Variants in ETV4 observed in about 807,000 individuals in gnomAD.
ETV4 encodes ETS variant transcription factor 4.
ETV4 carries 42 observed loss-of-function variants against 65.9 expected under a neutral mutation model. The ratio of observed to expected loss-of-function variants is 0.64; its 90% CI spans 0.50 to 0.82. The LOEUF is 0.82. ETV4 is among the 40% of genes least tolerant of loss of function. ETV4 has a pLI of 0.00. For synonymous variants in ETV4, 238 were observed against 260.0 expected (o/e 0.92, Z 0.81); for missense variants, 583 against 630.3 (o/e 0.92, Z 0.80).
At chr17:43,534,020 C>T (rs377659571) in intron 5 of ETV4, 35 bp from the exon 6 acceptor site, 77 of 1,479,318 alleles carry the variant, frequency 5.2e-5, no homozygotes, top group Non-Finnish European at 6.0e-5. Flanking sequence ...AAGGCCAGAG[C>T]CTGTCACACA....
intron 4 of ETV4, among the ~76,000 whole-genome samples, chr17:43,537,519 C>T (rs1252542189): frequency 6.6e-6 from 1 of 150,470 alleles, no homozygotes; most frequent in African/African-American, 2.5e-5. Context: ...CAAAGTGAAA[C>T]TCCCATCTCT....
intron 4 of ETV4, 54 bp downstream of exon 4, chr17:43,544,921 G>T: frequency 6.6e-7 from 1 of 1,518,984 alleles, no homozygotes; most frequent in Non-Finnish European, 9.1e-7. Context: ...CAGGGGCTAC[G>T]GAGTGTCCCC....
At chr17:43,543,690 G>A (rs1003004546) in intron 4 of ETV4, among the ~76,000 whole-genome samples, 1 of 152,198 alleles carries the variant, frequency 6.6e-6, no homozygotes, top group Non-Finnish European at 1.5e-5. Context: ...CTGTAAATTG[G>A]AGCTGGGCAT....
intron 12 of ETV4, 97 bp from the exon 13 acceptor site, chr17:43,528,840 C>A: frequency 3.2e-6 from 3 of 929,494 alleles, no homozygotes; most frequent in Non-Finnish European, 5.0e-6. Context: ...TCTACCAGTA[C>A]AGGCAGATGC....
rs2154587018 is a variant in ETV4 at position 43,528,755 on chromosome 17, G to A, written c.1231-12C>T. ...CGCTCACCAGCCACCTATGGGGAGAGAGAAGGTCTGGTCAGCCTGGCTAGC... is the reference window on the plus strand; with the variant it reads ...CGCTCACCAGCCACCTATGGGGAGAAAGAAGGTCTGGTCAGCCTGGCTAGC... On this transcript the variant is annotated splice_polypyrimidine_tract_variant and intron_variant, in intron 12 of 12. Coordinates refer to ENST00000319349, the MANE Select transcript of ETV4 (RefSeq NM_001079675.5). 1 of 1,611,658 alleles carries A rather than the reference G, an allele frequency of 6.2e-7. No individual in the cohort carries two copies. Among genetic ancestry groups the A allele is most frequent in the South Asian group, 1.1e-5 (1 of 90,954 alleles).
chr17:43,528,210 C>A lies in ETV4; in HGVS notation c.*309G>T. 1 of 318,584 alleles carries A rather than the reference C, an allele frequency of 3.1e-6. No individual in the cohort carries two copies. The highest frequency in any genetic ancestry group is 4.8e-5 in the East Asian group (1 of 20,976). 19.7% of individuals were successfully genotyped at this position (318,584 alleles called of 1,614,324 possible). A position where few individuals can be genotyped will look rare whatever the true frequency, so the allele number is the denominator to read the frequency against. On this transcript the variant is annotated 3_prime_UTR_variant, in exon 13 of 13. Coordinates refer to ENST00000319349, the MANE Select transcript of ETV4 (RefSeq NM_001079675.5). ...TCTGTCCCCCAGAACAGAACAAACT[C>A]TTGTTCTCTGTGGTTGGGGAAAAGG...
At chr17:43,532,638 G>T in intron 8 of ETV4, 36 bp downstream of exon 8, 4 of 1,580,220 alleles carry the variant, frequency 2.5e-6, no homozygotes, top group Non-Finnish European at 3.5e-6. Context: ...CTGAACACTT[G>T]ATCACATGCC....
At chr17:43,528,929 T>C (rs1279776809) in intron 12 of ETV4, among the ~76,000 whole-genome samples, 186 bp from the exon 13 acceptor site, 1 of 152,180 alleles carries the variant, frequency 6.6e-6, no homozygotes, top group African/African-American at 2.4e-5. Flanking sequence ...TCATCTCAAC[T>C]TCTCCATGCT....
rs760615534 is a variant in ETV4, at chr17:43,529,531, C to T, written c.1101G>A (p.Met367Ile). ...AHFIAWTGRG[M>I]EFKLIEPEEV... ...CCTCAGGCTCAATGAGCTTGAACTCCATTCCCCGGCCCGTCCAGGCAATGA... is the reference window on the plus strand; with the variant it reads ...CCTCAGGCTCAATGAGCTTGAACTCTATTCCCCGGCCCGTCCAGGCAATGA... Residue 367 changes from methionine (M) to isoleucine (I), a missense_variant, in exon 11 of 13, where the codon ATG (methionine) becomes ATA (isoleucine). By Grantham distance (10) the Met-to-Ile change is conservative. Transcript: ENST00000319349. 6.2e-7 allele frequency: 1 copy of T among 1,613,470 alleles called. No individual in the cohort carries two copies. The highest frequency in any genetic ancestry group is 8.5e-7 in the Non-Finnish European group (1 of 1,179,662).
chr17:43,528,990 G>T, intron 12 of ETV4, 145 bp downstream of exon 12: 1 of 855,354 alleles, frequency 1.2e-6, no homozygotes, highest in Non-Finnish European at 1.9e-6. Flanking sequence ...AGAACCTTGG[G>T]ATTCTCCACA....
intron 5 of ETV4, 128 bp downstream of exon 5, chr17:43,536,298 G>T: frequency 1.2e-6 from 1 of 806,936 alleles, no homozygotes. Flanking sequence ...TTATTGCCTT[G>T]GTCTTTAAGA....
At chr17:43,537,186 C>T (rs763342448) in intron 4 of ETV4, among the ~76,000 whole-genome samples, 10 of 149,442 alleles carry the variant, frequency 6.7e-5, no homozygotes, top group Non-Finnish European at 1.5e-4. Flanking sequence ...GCCAACATGA[C>T]GAAACCCCAT....
Position 43,528,194 on chromosome 17 carries a change from C to G in ETV4, c.*325G>C, listed in dbSNP as rs1970680830. The G allele has an allele frequency of 3.5e-6, 1 of 283,144 alleles. No individual in the cohort carries two copies. The highest frequency in any genetic ancestry group is 6.6e-6 in the Non-Finnish European group (1 of 151,448). 17.5% of individuals were successfully genotyped at this position (283,144 alleles called of 1,614,324 possible). A position where few individuals can be genotyped will look rare whatever the true frequency, so the allele number is the denominator to read the frequency against. ...GTTGGGAAGCGCCTTCTCTGTCCCC[C>G]AGAACAGAACAAACTCTTGTTCTCT... is the stretch of plus-strand genomic sequence containing the variant. On this transcript the variant is annotated 3_prime_UTR_variant, in exon 13 of 13. Transcript: ENST00000319349.
chr17:43,528,878 C>A, intron 12 of ETV4, 135 bp from the exon 13 acceptor site: 1 of 736,276 alleles, frequency 1.4e-6, no homozygotes. Context: ...CATGCTGGTT[C>A]CTGAGAAGCT....
chr17:43,533,795 GC>G, intron 6 of ETV4, 63 bp downstream of exon 6: 3 of 1,580,598 alleles, frequency 1.9e-6, no homozygotes, highest in Admixed American at 1.9e-5. Context: ...GCTCATGGGT[GC>G]CCCCTGCCTC....
At chr17:43,546,052 C>T (rs1971808941) in intron 1 of ETV4, 133 bp downstream of exon 1, 2 of 214,572 alleles carry the variant, frequency 9.3e-6, no homozygotes, top group Admixed American at 5.5e-5. Context: ...CCCCCTCCAA[C>T]CCTGAATCCC....
At chr17:43,530,590 C>G (rs982794898) in intron 8 of ETV4, among the ~76,000 whole-genome samples, 1 of 145,600 alleles carries the variant, frequency 6.9e-6, no homozygotes, top group Non-Finnish European at 1.5e-5. Flanking sequence ...GGTCAGGTTC[C>G]CAGCCCTGTG....
chr17:43,534,554 G>A (rs1189271254), intron 5 of ETV4, among the ~76,000 whole-genome samples: 1 of 152,180 alleles, frequency 6.6e-6, no homozygotes, highest in Non-Finnish European at 1.5e-5. Flanking sequence ...ACACTTTCAA[G>A]GAGTGAGCAC....
At chr17:43,542,758 C>T (rs1412281725) in intron 4 of ETV4, among the ~76,000 whole-genome samples, 1 of 152,208 alleles carries the variant, frequency 6.6e-6, no homozygotes, top group Non-Finnish European at 1.5e-5. Context: ...CCTGTGCCTC[C>T]TCCAAATGCT....
Sources: allele counts gnomAD v4.1 joint callset (sites outside exome capture counted in the v4.1 genomes callset), GRCh38; gene constraint gnomAD v4.1.1; transcripts MANE v1.5; gene names NCBI Gene and HGNC (gene_info 2026-07-23, HGNC 2026-07-21).